The following GALNT10 variants were observed in gnomAD, a reference collection of about 807,000 sequenced individuals.
GALNT10 encodes the protein GalNAc transferase 10.
In GALNT10, 41 loss-of-function variants were observed where a neutral mutation model predicts 75.0. The observed-to-expected ratio is 0.55, with a 90% confidence interval of 0.43 to 0.71. The LOEUF (loss-of-function observed/expected upper bound fraction) is 0.71. GALNT10 is among the 30% of genes least tolerant of loss of function. GALNT10 has a pLI of 0.00. For synonymous variants in GALNT10, 302 were observed against 313.0 expected (o/e 0.96, Z 0.37); for missense variants, 727 against 818.5 (o/e 0.89, Z 1.36).
chr5:154,287,675 TG>T (rs1304113916), intron 1 of GALNT10, among the ~76,000 whole-genome samples: 1 of 152,230 alleles, frequency 6.6e-6, no homozygotes, highest in African/African-American at 2.4e-5. Context: ...TGTTCATCTT[TG>T]TCTCTCCCAG....
At chr5:154,362,313 G>A (rs1182675026) in intron 4 of GALNT10, among the ~76,000 whole-genome samples, 2 of 152,088 alleles carry the variant, frequency 1.3e-5, no homozygotes, top group African/African-American at 2.4e-5. Flanking sequence ...ACTGGTCTGG[G>A]TTCAGAATGC....
chr5:154,262,021 T>C (rs1043770882), intron 1 of GALNT10, among the ~76,000 whole-genome samples: 2 of 152,188 alleles, frequency 1.3e-5, no homozygotes, highest in Non-Finnish European at 2.9e-5. Flanking sequence ...AGAGAAGAGA[T>C]AGTTCATGTG....
intron 4 of GALNT10, among the ~76,000 whole-genome samples, chr5:154,334,564 A>C (rs981159085): frequency 6.6e-6 from 1 of 152,186 alleles, no homozygotes; most frequent in Non-Finnish European, 1.5e-5. Flanking sequence ...CTCCACTTTC[A>C]AACAGTGTTG....
At position 154,409,801 on chromosome 5, in the gene GALNT10, G is replaced by T. The variant is rs371207759; in HGVS notation, c.1386+39G>T. 2.0e-5 allele frequency: 27 copies of T among 1,362,880 alleles called. No individual in the cohort carries two copies. Among genetic ancestry groups the T allele is most frequent in the Non-Finnish European group, 2.5e-5 (24 of 952,380 alleles). 84.4% of individuals were successfully genotyped at this position (1,362,880 alleles called of 1,614,324 possible). On this transcript the variant is annotated intron_variant, in intron 9 of 11. Transcript: ENST00000297107. This position sits in a 1 kb window ranked among gnomAD's most constrained non-coding sequence, Gnocchi z 4.5. ...GCAGGGCTGGCTCCATAATTTAATG[G>T]GTGTGCAAAATGCAAATGCAGATCC... is the stretch of plus-strand genomic sequence containing the variant.
chr5:154,281,922 A>G (rs1012133185), intron 1 of GALNT10, among the ~76,000 whole-genome samples: 7 of 152,212 alleles, frequency 4.6e-5, no homozygotes, highest in African/African-American at 1.4e-4. Context: ...AGGGATAAAC[A>G]AGAAAGGCAA....
intron 3 of GALNT10, among the ~76,000 whole-genome samples, chr5:154,315,421 T>C (rs1039712117): frequency 9.2e-5 from 14 of 152,246 alleles, no homozygotes; most frequent in African/African-American, 3.4e-4. Context: ...AAGGCTGGCC[T>C]CCAGGTTCTC....
Position 154,298,512 on chromosome 5 carries a change from T to G in GALNT10, c.401+433T>G, listed in dbSNP as rs1754315711. ...AGACATATCAGAATGATTATAAAGA[T>G]GACAACAATGGCATCTAACATTCTT... is the stretch of plus-strand genomic sequence containing the variant. On this transcript the variant is annotated intron_variant, in intron 3 of 11. Transcript: ENST00000297107. This position sits in a 1 kb window ranked among gnomAD's most constrained non-coding sequence, Gnocchi z 4.1. Among the ~76,000 whole-genome samples, 1 of 152,250 alleles carries G rather than the reference T, an allele frequency of 6.6e-6. No homozygotes were observed. Among genetic ancestry groups the G allele is most frequent in the African/African-American group, 2.4e-5 (1 of 41,468 alleles).
chr5:154,194,965 A>G (rs953559369), intron 1 of GALNT10, among the ~76,000 whole-genome samples: 2 of 152,230 alleles, frequency 1.3e-5, no homozygotes, highest in Non-Finnish European at 1.5e-5. Context: ...AGGCCTCTGT[A>G]TCTAACTTGT....
At chr5:154,350,841 A>G (rs890119127) in intron 4 of GALNT10, among the ~76,000 whole-genome samples, 2 of 152,226 alleles carry the variant, frequency 1.3e-5, no homozygotes, top group Non-Finnish European at 2.9e-5. Flanking sequence ...CCATGAAGCC[A>G]TTAAAAATAT....
At chr5:154,231,625 A>G (rs756147977) in intron 1 of GALNT10, among the ~76,000 whole-genome samples, 57 of 152,148 alleles carry the variant, frequency 3.7e-4, no homozygotes, top group Non-Finnish European at 6.5e-4. Context: ...GCCCAGGGGT[A>G]TATCAAGTCA....
chr5:154,280,694 C>A (rs13154225), intron 1 of GALNT10, among the ~76,000 whole-genome samples: 2,177 of 152,274 alleles, frequency 0.014, 22 homozygotes, highest in Middle Eastern at 0.054. Context: ...CTTTAAGAAA[C>A]CTTTGCCTAA....
At chr5:154,309,342 G>T (rs1212207697) in intron 3 of GALNT10, among the ~76,000 whole-genome samples, 1 of 152,172 alleles carries the variant, frequency 6.6e-6, no homozygotes, top group Non-Finnish European at 1.5e-5. Context: ...TTGTAGTGGG[G>T]CTGGAGCTTT....
intron 4 of GALNT10, among the ~76,000 whole-genome samples, chr5:154,353,979 G>A (rs985672832): frequency 2.6e-5 from 4 of 152,144 alleles, no homozygotes; most frequent in African/African-American, 4.8e-5. Context: ...GATGCATAGC[G>A]ACATCATTAA....
chr5:154,278,143 TAGTATGTC>T (rs1753978501), intron 1 of GALNT10, among the ~76,000 whole-genome samples: 1 of 152,218 alleles, frequency 6.6e-6, no homozygotes, highest in Non-Finnish European at 1.5e-5. Flanking sequence ...CCTTCCAAGT[TAGTATGTC>T]AGTTTGAAAT....
At chr5:154,263,020 G>A (rs1753723848) in intron 1 of GALNT10, among the ~76,000 whole-genome samples, 1 of 152,168 alleles carries the variant, frequency 6.6e-6, no homozygotes, top group African/African-American at 2.4e-5. Context: ...AGGACGTGGA[G>A]AAATTGGAAC....
chr5:154,383,789 G>A (rs1561677937), intron 6 of GALNT10, among the ~76,000 whole-genome samples: 1 of 152,174 alleles, frequency 6.6e-6, no homozygotes. Context: ...AGAAGACAAA[G>A]GGGAGCCAAT....
At chr5:154,399,240 A>T (rs116266145) in intron 7 of GALNT10, among the ~76,000 whole-genome samples, 1 of 152,130 alleles carries the variant, frequency 6.6e-6, no homozygotes, top group African/African-American at 2.4e-5. Flanking sequence ...GAGCCTAAAG[A>T]TACAAAGGAC....
chr5:154,348,705 A>G (rs147037947), intron 4 of GALNT10, among the ~76,000 whole-genome samples: 2 of 152,336 alleles, frequency 1.3e-5, no homozygotes, highest in African/African-American at 2.4e-5. Flanking sequence ...CAGTGTCTGC[A>G]TCTACAAAGT....
rs537460934 is a variant in GALNT10, at chr5:154,264,925, T to C, written c.160-29891T>C. Among the ~76,000 whole-genome samples the C allele has an allele frequency of 9.2e-5, 14 of 152,306 alleles. No homozygotes were observed. The South Asian group carries it at 2.3e-3, about 25-fold the overall frequency. On this transcript the variant is annotated intron_variant, in intron 1 of 11. Coordinates refer to ENST00000297107, the MANE Select transcript of GALNT10 (RefSeq NM_198321.4). ...ACTGTCAAAAGAGTGGGCTTTCTTATGACTTCCAGTGGGCCAGAAATTATA... is the reference window on the plus strand; with the variant it reads ...ACTGTCAAAAGAGTGGGCTTTCTTACGACTTCCAGTGGGCCAGAAATTATA...
Sources: allele counts gnomAD v4.1 joint callset (sites outside exome capture counted in the v4.1 genomes callset), GRCh38; gene constraint gnomAD v4.1.1; non-coding constraint Gnocchi (gnomAD v3.1); transcripts MANE v1.5; gene names NCBI Gene and HGNC (gene_info 2026-07-23, HGNC 2026-07-21).